EMILIN2: variants seen among roughly 807,000 people sequenced by gnomAD.
EMILIN2 encodes the protein elastin microfibril interfacer 2.
EMILIN2 carries 71 observed loss-of-function variants against 87.1 expected under a neutral mutation model. The ratio of observed to expected loss-of-function variants is 0.82; its 90% CI spans 0.67 to 0.99. EMILIN2 has a LOEUF of 0.99. EMILIN2 is among the 50% of genes least tolerant of loss of function. The probability of loss-of-function intolerance (pLI) is 0.00; values close to 1 mark genes in which losing one functional copy is unlikely to be tolerated. For synonymous variants in EMILIN2, 581 were observed against 563.4 expected (o/e 1.03, Z -0.44); for missense variants, 1,407 against 1,371.8 (o/e 1.03, Z -0.40).
intron 2 of EMILIN2, among the ~76,000 whole-genome samples, chr18:2,871,477 C>T (rs913776817): frequency 2.6e-5 from 4 of 152,106 alleles, no homozygotes. Context: ...AGGAGGGACT[C>T]ACTCAGGAGA....
intron 2 of EMILIN2, among the ~76,000 whole-genome samples, chr18:2,862,493 T>C (rs1216681586): frequency 2.0e-5 from 3 of 152,368 alleles, no homozygotes; most frequent in East Asian, 3.9e-4. Flanking sequence ...GAGATAATCA[T>C]GTGGTTTTTG....
At chr18:2,879,816 C>T (rs1222076854) in intron 2 of EMILIN2, among the ~76,000 whole-genome samples, 3 of 152,030 alleles carry the variant, frequency 2.0e-5, no homozygotes, top group Non-Finnish European at 4.4e-5. Context: ...TATGATCCTC[C>T]TGCGTCAGCC....
chr18:2,891,271 A>C lies in EMILIN2; in HGVS notation c.1144A>C (p.Asn382His). The C allele has an allele frequency of 6.2e-7, 1 of 1,614,206 alleles. No individual in the cohort carries two copies. The highest frequency in any genetic ancestry group is 1.1e-5 in the South Asian group (1 of 91,086). Residue 382 changes from asparagine (N) to histidine (H), a missense_variant, in exon 4 of 8, where the codon AAC becomes CAC. Coordinates refer to ENST00000254528, the MANE Select transcript of EMILIN2 (RefSeq NM_032048.3). This position sits in a 1 kb window ranked among gnomAD's most constrained non-coding sequence, Gnocchi z 4.6. ...KETSLRKEIN[N>H]LRARLQEPSA... is the part of the protein sequence containing the mutation. ...AACAAGCCTGAGAAAAGAAATAAAT[A>C]ACCTCCGAGCCCGGCTACAGGAGCC...
chr18:2,897,934 AG>A, intron 4 of EMILIN2, among the ~76,000 whole-genome samples: 1 of 151,868 alleles, frequency 6.6e-6, no homozygotes, highest in East Asian at 1.9e-4. Context: ...GTGTATCGAT[AG>A]TTTTTTTGAG....
At position 2,890,675 on chromosome 18, in the gene EMILIN2, A is replaced by G. The variant is rs1308916704; in HGVS notation, c.548A>G (p.Lys183Arg). Residue 183 changes from lysine (K) to arginine (R), a missense_variant, in exon 4 of 8, where the codon AAG (lysine) becomes AGG (arginine). Coordinates refer to ENST00000254528, the MANE Select transcript of EMILIN2 (RefSeq NM_032048.3). The surrounding 1 kb of genome is among the most constrained non-coding windows in gnomAD (Gnocchi z 4.7). ...GGGCCTCAGGAACTTCAGGAAAAGA[A>G]GATACAGGTGCTAGAGGAGAAGGTT... The part of the protein sequence containing the change: ...KEGPQELQEK[K>R]IQVLEEKVLR... 6.2e-7 allele frequency: 1 copy of G among 1,614,174 alleles called. No homozygotes were observed.
chr18:2,852,572 G>A (rs564261532), intron 2 of EMILIN2, among the ~76,000 whole-genome samples: 27 of 152,202 alleles, frequency 1.8e-4, no homozygotes, highest in African/African-American at 2.7e-4. Flanking sequence ...AGGCTGGAGC[G>A]CAGCGGCACC....
intron 3 of EMILIN2, among the ~76,000 whole-genome samples, chr18:2,886,144 C>G (rs1346258864): frequency 6.6e-6 from 1 of 152,136 alleles, no homozygotes; most frequent in Non-Finnish European, 1.5e-5. Context: ...ATTTATCTCA[C>G]AAATATTTAT....
intron 2 of EMILIN2, among the ~76,000 whole-genome samples, chr18:2,881,175 G>A (rs1471207477): frequency 6.6e-6 from 1 of 152,142 alleles, no homozygotes; most frequent in African/African-American, 2.4e-5. Flanking sequence ...TGACTAGCAG[G>A]GCCCAAGGCC....
chr18:2,908,792 C>A, intron 5 of EMILIN2, 151 bp from the exon 6 acceptor site: 1 of 849,534 alleles, frequency 1.2e-6, no homozygotes. Context: ...TGAAGGAGGG[C>A]AGTGACAGTG....
intron 2 of EMILIN2, among the ~76,000 whole-genome samples, chr18:2,858,583 G>GTGTGTGTATATA (rs1180735843): frequency 4.8e-5 from 3 of 63,040 alleles, no homozygotes; most frequent in African/African-American, 2.8e-4. Flanking sequence ...GTGTGTGTGT[G>GTGTGTGTATATA]TATATATATA....
chr18:2,875,979 A>AT lies in EMILIN2; in HGVS notation c.258-8965dup, dbSNP rs67505946. 3.2e-3 allele frequency among the ~76,000 whole-genome samples: 411 copies of AT among 126,810 alleles called. 2 individuals carry two copies. Among genetic ancestry groups the AT allele is most frequent in the African/African-American group, 9.7e-3 (313 of 32,404 alleles). The allele number at this position is 126,810 out of a possible 152,430, so 83.2% of individuals were successfully genotyped here. A position where few individuals can be genotyped will look rare whatever the true frequency, so the allele number is the denominator to read the frequency against. ...TACTGAGAAGTGAAAAGGATTTTAG[A>AT]TTTTTTTTTTTTTTTTTTTTGAGAT... On this transcript the variant is annotated intron_variant, in intron 2 of 7. Transcript: ENST00000254528.
chr18:2,865,152 A>G lies in EMILIN2; in HGVS notation c.257+17221A>G, dbSNP rs528652498. On this transcript the variant is annotated intron_variant, in intron 2 of 7. Coordinates refer to ENST00000254528, the MANE Select transcript of EMILIN2 (RefSeq NM_032048.3). The stretch of plus-strand genomic sequence containing the variant: ...TTTCAAGGTTTTTAACTTCTTTGCC[A>G]TGGGTTTGAACTTCCTCCTTTAGCT... 2.9e-4 allele frequency among the ~76,000 whole-genome samples: 44 copies of G among 149,918 alleles called. 2 individuals are homozygous for G. The highest frequency in any genetic ancestry group is 1.1e-3 in the African/African-American group (42 of 39,302).
At chr18:2,862,955 CAT>C (rs1339886477) in intron 2 of EMILIN2, among the ~76,000 whole-genome samples, 1 of 151,976 alleles carries the variant, frequency 6.6e-6, no homozygotes, top group Non-Finnish European at 1.5e-5. Flanking sequence ...CTTGGGAGGG[CAT>C]ATGTGTCAAG....
At chr18:2,846,680 C>A, upstream of EMILIN2, 2 of 884,140 alleles carry the variant, frequency 2.3e-6, no homozygotes, top group Non-Finnish European at 1.4e-6. The surrounding 1 kb of genome is among the most constrained non-coding windows in gnomAD (Gnocchi z 5.3). Flanking sequence ...AGGCACGACG[C>A]GAGGACGGCC....
chr18:2,852,188 G>A (rs906456101), intron 2 of EMILIN2, among the ~76,000 whole-genome samples: 2 of 152,174 alleles, frequency 1.3e-5, no homozygotes, highest in Non-Finnish European at 2.9e-5. Flanking sequence ...GCCTGCATGT[G>A]CCCTTAACCC....
chr18:2,868,919 TTG>T (rs2076705137), intron 2 of EMILIN2, among the ~76,000 whole-genome samples: 1 of 152,136 alleles, frequency 6.6e-6, no homozygotes, highest in Non-Finnish European at 1.5e-5. Context: ...CTGTGATGTT[TTG>T]TGTTATTTTA....
At chr18:2,909,006 G>A in intron 6 of EMILIN2, 31 bp downstream of exon 6, 5 of 1,612,658 alleles carry the variant, frequency 3.1e-6, no homozygotes, top group Non-Finnish European at 4.2e-6. Flanking sequence ...GGAGCAGGAG[G>A]AGCGGTCTCC....
rs1049026410 is a variant in EMILIN2 at position 2,890,946 on chromosome 18, A to G, written c.819A>G (p.Leu273=). ...AATTGGCTGAAGTCAAAGATACTCT[A>G]AAGAACAAAAGTGACAAGCTGGAAG... ...KSELAEVKDT[L]KNKSDKLEEL... The change falls in exon 4 of 8, where the codon CTA becomes CTG. Residue 273 remains leucine, a synonymous_variant. Coordinates refer to ENST00000254528, the MANE Select transcript of EMILIN2 (RefSeq NM_032048.3). The surrounding 1 kb of genome is among the most constrained non-coding windows in gnomAD (Gnocchi z 4.7). 2.0e-5 allele frequency: 32 copies of G among 1,614,012 alleles called. No individual in the cohort carries two copies. Among genetic ancestry groups the G allele is most frequent in the Non-Finnish European group, 2.6e-5 (31 of 1,180,038 alleles).
intron 2 of EMILIN2, among the ~76,000 whole-genome samples, chr18:2,868,448 G>A (rs185207157): frequency 2.6e-5 from 4 of 152,222 alleles, no homozygotes; most frequent in Non-Finnish European, 4.4e-5. Flanking sequence ...CAAGGCAGGC[G>A]GCTGGGAGGT....
Sources: gnomAD v4.1 joint callset for allele counts (sites outside exome capture counted in the v4.1 genomes callset) on GRCh38, gnomAD v4.1.1 for gene constraint, Gnocchi (gnomAD v3.1) non-coding constraint, MANE v1.5 for transcripts, NCBI Gene and HGNC (gene_info 2026-07-23, HGNC 2026-07-21) for gene names.